The following ZNF609 variants were observed in gnomAD, a reference collection of about 807,000 sequenced individuals.
ZNF609 encodes zinc finger protein 609.
A neutral mutation model predicts 109.5 loss-of-function variants in ZNF609; 11 were observed. That is an observed-to-expected ratio of 0.10 (90% confidence interval 0.06 to 0.17). ZNF609 has a LOEUF of 0.17. ZNF609 is among the 10% of genes least tolerant of loss of function. The probability of loss-of-function intolerance (pLI) is 1.00; values close to 1 mark genes in which losing one functional copy is unlikely to be tolerated. For missense variants in ZNF609, 1,559 were observed against 1,772.4 expected (o/e 0.88, Z 2.16); for synonymous variants, 646 against 662.0 (o/e 0.98, Z 0.37).
intron 3 of ZNF609, among the ~76,000 whole-genome samples, chr15:64,628,313 G>C (rs1896005517): frequency 6.6e-6 from 1 of 151,758 alleles, no homozygotes; most frequent in African/African-American, 2.4e-5. Flanking sequence ...AAAAAGAAAA[G>C]AAACATGTAA....
chr15:64,614,911 C>T (rs528968681), intron 2 of ZNF609, among the ~76,000 whole-genome samples: 24 of 146,798 alleles, frequency 1.6e-4, no homozygotes, highest in Non-Finnish European at 3.3e-4. Flanking sequence ...CTCTGCCTCC[C>T]GGGTTCAAGG....
rs117458501 is a variant in ZNF609 at position 64,541,905 on chromosome 15, A to G, written c.747+41739A>G. On this transcript the variant is annotated intron_variant, in intron 2 of 9. Transcript: ENST00000326648. ...TTGCCCTTCCCTTTTGGCTTCTACT[A>G]TTTACTTAACTGAAACTTAACGAGT... Among the ~76,000 whole-genome samples the G allele has an allele frequency of 4.5e-3, 674 of 150,208 alleles. 4 individuals carry two copies. Among genetic ancestry groups the G allele is most frequent in the Non-Finnish European group, 5.3e-3 (356 of 67,792 alleles).
intron 2 of ZNF609, among the ~76,000 whole-genome samples, chr15:64,579,675 A>G (rs945852613): frequency 2.0e-5 from 3 of 150,400 alleles, no homozygotes; most frequent in Non-Finnish European, 4.4e-5. Flanking sequence ...TTGCTACTGC[A>G]CTCCAGCCTG....
chr15:64,551,543 T>C (rs755718071), intron 2 of ZNF609, among the ~76,000 whole-genome samples: 2 of 151,156 alleles, frequency 1.3e-5, no homozygotes, highest in Non-Finnish European at 2.9e-5. Flanking sequence ...TCCCAGCTAC[T>C]CGGGAGGCTG....
At chr15:64,552,713 G>A (rs1894503557) in intron 2 of ZNF609, among the ~76,000 whole-genome samples, 2 of 152,130 alleles carry the variant, frequency 1.3e-5, no homozygotes, top group African/African-American at 2.4e-5. Flanking sequence ...GCAGTGATGG[G>A]ATCATAGCTC....
intron 2 of ZNF609, among the ~76,000 whole-genome samples, chr15:64,545,821 A>G (rs117813987): frequency 1.3e-5 from 2 of 152,224 alleles, no homozygotes; most frequent in East Asian, 1.9e-4. Context: ...GAAGTTGTCT[A>G]TGTTGTTGCA....
chr15:64,558,857 T>A (rs1278607809), intron 2 of ZNF609, among the ~76,000 whole-genome samples: 2 of 152,256 alleles, frequency 1.3e-5, no homozygotes, highest in African/African-American at 4.8e-5. Context: ...GCAGCTTCTT[T>A]TGTATAGCTT....
chr15:64,660,459 AC>A (rs1896557793), intron 3 of ZNF609, among the ~76,000 whole-genome samples: 1 of 129,064 alleles, frequency 7.7e-6, no homozygotes, highest in African/African-American at 3.6e-5. Flanking sequence ...TTATTGAAAC[AC>A]AACTATGCCT....
intron 2 of ZNF609, among the ~76,000 whole-genome samples, chr15:64,540,449 G>A (rs908752352): frequency 1.3e-5 from 2 of 151,928 alleles, no homozygotes; most frequent in Non-Finnish European, 2.9e-5. Context: ...CTGTCACCTC[G>A]GCTGGAGTGC....
At chr15:64,462,579 G>A (rs1892959555) in intron 1 of ZNF609, among the ~76,000 whole-genome samples, 1 of 151,844 alleles carries the variant, frequency 6.6e-6, no homozygotes, top group Non-Finnish European at 1.5e-5. Flanking sequence ...GACCAGCCTG[G>A]GCAACAAAGC....
At chr15:64,473,176 G>T (rs1566992634) in intron 1 of ZNF609, among the ~76,000 whole-genome samples, 1 of 139,134 alleles carries the variant, frequency 7.2e-6, no homozygotes, top group Non-Finnish European at 1.5e-5. Context: ...TAAAACTTTT[G>T]ACTCATATTT....
intron 3 of ZNF609, chr15:64,643,697 A>G (rs369912331): frequency 6.6e-6 from 1 of 152,166 alleles, no homozygotes; most frequent in East Asian, 1.9e-4. Context: ...GTCAGCAACA[A>G]TTATTAATAT....
intron 3 of ZNF609, among the ~76,000 whole-genome samples, chr15:64,657,694 G>A (rs911194081): frequency 6.6e-6 from 1 of 152,190 alleles, no homozygotes; most frequent in Non-Finnish European, 1.5e-5. Context: ...GGTGGAGTTA[G>A]GGAGCACAAT....
At chr15:64,536,469 G>A (rs375361256) in intron 2 of ZNF609, among the ~76,000 whole-genome samples, 2 of 152,034 alleles carry the variant, frequency 1.3e-5, no homozygotes, top group African/African-American at 4.8e-5. Flanking sequence ...ACTAGGGTTC[G>A]TTTCTGTATG....
chr15:64,541,381 C>T (rs1208134562), intron 2 of ZNF609, among the ~76,000 whole-genome samples: 1 of 145,550 alleles, frequency 6.9e-6, no homozygotes, highest in African/African-American at 2.6e-5. Context: ...GAGCCGAGAT[C>T]GCGCCACTGC....
intron 2 of ZNF609, chr15:64,593,167 G>T (rs977162158): frequency 6.0e-5 from 92 of 1,539,958 alleles, no homozygotes; most frequent in Admixed American, 1.0e-4. Flanking sequence ...ATGCCTATGT[G>T]CTTCCCAAGC....
chr15:64,522,287 T>C (rs1418567897), intron 2 of ZNF609, among the ~76,000 whole-genome samples: 2 of 152,228 alleles, frequency 1.3e-5, no homozygotes, highest in Non-Finnish European at 2.9e-5. Context: ...AACATAAAAA[T>C]TGTACTTCAT....
intron 8 of ZNF609, 88 bp downstream of exon 8, chr15:64,680,950 C>G: frequency 7.1e-7 from 1 of 1,416,586 alleles, no homozygotes; most frequent in Non-Finnish European, 9.6e-7. Flanking sequence ...AGCTAGGACC[C>G]TCCTACCTGC....
At chr15:64,631,195 G>T in intron 3 of ZNF609, 2 of 620,118 alleles carry the variant, frequency 3.2e-6, no homozygotes, top group South Asian at 1.4e-5. Context: ...CTGGGTAGAG[G>T]CTGCTGCTTC....
Sources: gnomAD v4.1 joint callset for allele counts (sites outside exome capture counted in the v4.1 genomes callset) on GRCh38, gnomAD v4.1.1 for gene constraint, MANE v1.5 for transcripts, NCBI Gene and HGNC (gene_info 2026-07-23, HGNC 2026-07-21) for gene names.